The following CACNA2D3 variants were observed in gnomAD, a reference collection of about 807,000 sequenced individuals.
The protein encoded by CACNA2D3 is voltage-dependent calcium channel subunit alpha-2/delta-3.
CACNA2D3 carries 60 observed loss-of-function variants against 160.6 expected under a neutral mutation model. That is an observed-to-expected ratio of 0.37 (90% CI 0.30 to 0.46). The LOEUF (loss-of-function observed/expected upper bound fraction) is 0.46. Among genes scored for constraint, CACNA2D3 ranks in the 20% least tolerant of loss-of-function variants. The pLI, the probability that CACNA2D3 is intolerant of heterozygous loss-of-function variation, is 1.00. For synonymous variants in CACNA2D3, 558 were observed against 492.9 expected (o/e 1.13, Z -1.75); for missense variants, 1,205 against 1,365.0 (o/e 0.88, Z 1.85).
intron 12 of CACNA2D3, among the ~76,000 whole-genome samples, chr3:54,761,638 A>G (rs566996495): frequency 6.6e-6 from 1 of 152,328 alleles, no homozygotes; most frequent in African/African-American, 2.4e-5. Context: ...AGAGGTGAAC[A>G]TAGGCCCTGC....
intron 3 of CACNA2D3, among the ~76,000 whole-genome samples, chr3:54,324,586 GGCTA>G (rs916669318): frequency 2.6e-5 from 4 of 152,130 alleles, no homozygotes; most frequent in Admixed American, 1.3e-4. Context: ...CCCACGCAGA[GGCTA>G]GCTATAGGTT....
At chr3:54,419,381 G>A (rs558462131) in intron 4 of CACNA2D3, among the ~76,000 whole-genome samples, 3 of 152,232 alleles carry the variant, frequency 2.0e-5, no homozygotes, top group Admixed American at 2.0e-4. Context: ...CGCTAGGCCA[G>A]CTGACTGCTC....
chr3:54,714,746 A>T (rs1431532680), intron 11 of CACNA2D3, among the ~76,000 whole-genome samples: 1 of 152,238 alleles, frequency 6.6e-6, no homozygotes, highest in African/African-American at 2.4e-5. Flanking sequence ...GAAGGAAATG[A>T]AATCGATAGC....
intron 11 of CACNA2D3, among the ~76,000 whole-genome samples, chr3:54,707,553 G>A (rs553581428): frequency 3.3e-5 from 5 of 152,264 alleles, no homozygotes; most frequent in Non-Finnish European, 2.9e-5. Flanking sequence ...ATTGACATTG[G>A]TTTTGTTGGC....
At chr3:54,262,078 G>T (rs577461551) in intron 2 of CACNA2D3, among the ~76,000 whole-genome samples, 1 of 152,126 alleles carries the variant, frequency 6.6e-6, no homozygotes, top group South Asian at 2.1e-4. Flanking sequence ...GCTCTCTAAG[G>T]AATTCTTCCA....
At chr3:54,631,338 A>G (rs1699234336) in intron 10 of CACNA2D3, among the ~76,000 whole-genome samples, 1 of 152,164 alleles carries the variant, frequency 6.6e-6, no homozygotes, top group African/African-American at 2.4e-5. Flanking sequence ...ATTTCATATC[A>G]TCTATTGCCA....
At chr3:55,040,581 A>G (rs1703937226) in intron 35 of CACNA2D3, among the ~76,000 whole-genome samples, 1 of 147,426 alleles carries the variant, frequency 6.8e-6, no homozygotes, top group South Asian at 2.1e-4. Flanking sequence ...GCTACTCAGG[A>G]GGCTAAAGCG....
At chr3:54,129,796 C>G (rs1369484759) in intron 2 of CACNA2D3, among the ~76,000 whole-genome samples, 1 of 152,202 alleles carries the variant, frequency 6.6e-6, no homozygotes, top group Non-Finnish European at 1.5e-5. Context: ...GGGGCCTGCA[C>G]ATGCCATTAC....
chr3:55,057,491 G>A (rs358064), intron 35 of CACNA2D3, among the ~76,000 whole-genome samples: 56,464 of 151,960 alleles, frequency 0.37, 12,283 homozygotes, highest in African/African-American at 0.61. Context: ...AATGGCAATA[G>A]CTAACTGAAG....
At chr3:54,941,017 A>G (rs185480300) in intron 27 of CACNA2D3, among the ~76,000 whole-genome samples, 2 of 145,548 alleles carry the variant, frequency 1.4e-5, no homozygotes, top group East Asian at 2.0e-4. Flanking sequence ...AAAACTTGAT[A>G]AGGCAATCCT....
chr3:54,892,027 G>A (rs952696621), intron 25 of CACNA2D3, among the ~76,000 whole-genome samples: 4 of 152,152 alleles, frequency 2.6e-5, no homozygotes, highest in African/African-American at 4.8e-5. Flanking sequence ...AGAGTTTCCA[G>A]GTCTAGTACC....
In CACNA2D3 at chr3:54,462,037, C is replaced by G. The variant is rs565834233; in HGVS notation, c.382-41455C>G. Reference sequence around the variant, plus strand: ...TTCTGCCTTCATTTCGTTATGTACCCTGTAGTCATTCAGGAGCAGGTTGTT... The same window carrying G: ...TTCTGCCTTCATTTCGTTATGTACCGTGTAGTCATTCAGGAGCAGGTTGTT... On this transcript the variant is annotated intron_variant, in intron 4 of 37. Coordinates refer to ENST00000474759, the MANE Select transcript of CACNA2D3 (RefSeq NM_018398.3). Among the ~76,000 whole-genome samples the G allele has an allele frequency of 5.9e-5, 9 of 152,212 alleles. No homozygotes were observed. The South Asian group carries it at 1.7e-3, about 28-fold the overall frequency.
At chr3:54,471,315 G>A (rs532057154) in intron 4 of CACNA2D3, among the ~76,000 whole-genome samples, 2 of 152,276 alleles carry the variant, frequency 1.3e-5, no homozygotes, top group Admixed American at 6.5e-5. Flanking sequence ...GGTAAATAAC[G>A]AAATCAAGGC....
At chr3:54,765,733 A>T (rs1702212222) in intron 13 of CACNA2D3, among the ~76,000 whole-genome samples, 1 of 152,186 alleles carries the variant, frequency 6.6e-6, no homozygotes, top group African/African-American at 2.4e-5. Context: ...AAAATATAAG[A>T]CACAGTTTCT....
intron 35 of CACNA2D3, among the ~76,000 whole-genome samples, chr3:55,028,738 G>C (rs1703617006): frequency 6.6e-6 from 1 of 152,092 alleles, no homozygotes; most frequent in East Asian, 1.9e-4. Flanking sequence ...TAATTTCTAA[G>C]GTAAATTAGG....
chr3:54,370,710 A>C (rs1343520085), intron 3 of CACNA2D3, among the ~76,000 whole-genome samples: 1 of 152,144 alleles, frequency 6.6e-6, no homozygotes, highest in Non-Finnish European at 1.5e-5. Context: ...TTATTGAAAT[A>C]GTCACATAGC....
At chr3:54,234,626 A>T (rs1467317342) in intron 2 of CACNA2D3, among the ~76,000 whole-genome samples, 1 of 152,220 alleles carries the variant, frequency 6.6e-6, no homozygotes, top group African/African-American at 2.4e-5. Flanking sequence ...CATCAATGAT[A>T]GATTGGATAA....
chr3:54,738,750 A>G (rs1263915617), intron 11 of CACNA2D3, among the ~76,000 whole-genome samples: 1 of 152,206 alleles, frequency 6.6e-6, no homozygotes, highest in East Asian at 1.9e-4. Flanking sequence ...AGAATGATCT[A>G]TGATCCCATA....
chr3:54,888,851 C>T lies in CACNA2D3; in HGVS notation c.2150+799C>T, dbSNP rs558302675. 1.2e-4 allele frequency among the ~76,000 whole-genome samples: 18 copies of T among 152,236 alleles called. No individual in the cohort carries two copies. In the South Asian group the frequency reaches 3.7e-3, roughly 32 times the overall value. On this transcript the variant is annotated intron_variant, in intron 24 of 37. Coordinates refer to ENST00000474759, the MANE Select transcript of CACNA2D3 (RefSeq NM_018398.3). ...TCTTGACTGTGTGTCTGTTATGTGCCAGACTCTGAGCGAGGTGTTGGGGAA... is the reference window on the plus strand; with the variant it reads ...TCTTGACTGTGTGTCTGTTATGTGCTAGACTCTGAGCGAGGTGTTGGGGAA...
Sources: allele counts gnomAD v4.1 joint callset (sites outside exome capture counted in the v4.1 genomes callset), GRCh38; gene constraint gnomAD v4.1.1; transcripts MANE v1.5; gene names NCBI Gene and HGNC (gene_info 2026-07-23, HGNC 2026-07-21).